FN1: variants seen among roughly 807,000 people sequenced by gnomAD.
The protein encoded by FN1 is fibronectin 1.
In FN1, 106 loss-of-function variants were observed where a neutral mutation model predicts 297.3. That is an observed-to-expected ratio of 0.36 (90% CI 0.30 to 0.42). FN1 has a LOEUF of 0.42. FN1 is among the 10% of genes least tolerant of loss of function. FN1 has a pLI of 1.00. For synonymous variants in FN1, 1,149 were observed against 1,152.6 expected, an observed-to-expected ratio of 1.00 and a Z score of 0.06; for missense variants, 2,690 against 3,124.9, an observed-to-expected ratio of 0.86 and a Z score of 3.32.
chr2:215,408,395 G>C lies in FN1; in HGVS notation c.2331C>G (p.Ile777Met). Residue 777 changes from isoleucine to methionine, a missense_variant, in exon 16 of 46, where the codon ATC (isoleucine) becomes ATG (methionine). By Grantham distance (10) the Ile-to-Met change is conservative (BLOSUM62 1). This residue lies in a region of FN1 where 876 missense variants were observed against 1,058.1 expected (regional missense o/e 0.83). Coordinates refer to ENST00000354785, the MANE Select transcript of FN1 (RefSeq NM_212482.4). ...ATTTTCGGCCAGGAAGCAGGTCAGGGATGTTCACAGAAGTGGCTGTGCTTG... is the reference window on the plus strand; with the variant it reads ...ATTTTCGGCCAGGAAGCAGGTCAGGCATGTTCACAGAAGTGGCTGTGCTTG... Reference protein sequence around the residue: ...DLPSTATSVNIPDLLPGRKYI... With the variant: ...DLPSTATSVNMPDLLPGRKYI... The C allele has an allele frequency of 6.2e-7, 1 of 1,614,106 alleles. No individual in the cohort carries two copies. The highest frequency in any genetic ancestry group is 8.5e-7 in the Non-Finnish European group (1 of 1,179,998).
rs1167297908 is a variant in FN1, at chr2:215,409,915, A to T, written c.2122+19T>A. 1 of 1,613,482 alleles carries T rather than the reference A, an allele frequency of 6.2e-7. No individual in the cohort carries two copies. The highest frequency in any genetic ancestry group is 1.7e-5 in the Admixed American group (1 of 60,004). ...AGGAACCTCGGGGGTAGGAGGCATG[A>T]GGGTGGTTGTGTACATACTGGTCAC... On this transcript the variant is annotated intron_variant, in intron 14 of 45. Transcript: ENST00000354785.
At chr2:215,363,841 T>C (rs2054004199) in intron 44 of FN1, among the ~76,000 whole-genome samples, 1 of 152,216 alleles carries the variant, frequency 6.6e-6, no homozygotes, top group Non-Finnish European at 1.5e-5. Context: ...ACTGGGCATA[T>C]TTTAGAAATG....
rs757437199 is a variant in FN1, at chr2:215,361,471, C to G, written c.*84G>C. On this transcript the variant is annotated 3_prime_UTR_variant, in exon 46 of 46. Transcript: ENST00000354785. ...AGGGCTTAAGAAAGAAAGAAGAACT[C>G]TAAGCTGGGTCTGCTAACATCACTC... The G allele has an allele frequency of 2.2e-4, 223 of 994,422 alleles. No individual in the cohort carries two copies. Among genetic ancestry groups the G allele is most frequent in the Non-Finnish European group, 3.5e-4 (213 of 614,196 alleles). 61.6% of individuals were successfully genotyped at this position (994,422 alleles called of 1,614,324 possible). A position where few individuals can be genotyped will look rare whatever the true frequency, so the allele number is the denominator to read the frequency against.
intron 5 of FN1, among the ~76,000 whole-genome samples, chr2:215,428,577 T>C (rs954292996): frequency 6.6e-6 from 1 of 152,234 alleles, no homozygotes; most frequent in African/African-American, 2.4e-5. Context: ...TTTTCATTTA[T>C]CTATTTATTT....
chr2:215,428,738 G>T (rs1288438856), intron 5 of FN1, among the ~76,000 whole-genome samples: 1 of 152,176 alleles, frequency 6.6e-6, no homozygotes, highest in Non-Finnish European at 1.5e-5. Flanking sequence ...CTAAAAACAG[G>T]CTAAGCGCGG....
At chr2:215,400,086 G>T (rs1041120358) in intron 20 of FN1, among the ~76,000 whole-genome samples, 4 of 151,930 alleles carry the variant, frequency 2.6e-5, no homozygotes, top group African/African-American at 9.7e-5. Flanking sequence ...TTCTTGGGAG[G>T]CTGAGACACA....
chr2:215,363,300 A>C (rs1431086560), intron 44 of FN1: 1 of 152,238 alleles, frequency 6.6e-6, no homozygotes, highest in Admixed American at 6.5e-5. Context: ...CAGCAAATTC[A>C]TTCTCCATCA....
Position 215,409,550 on chromosome 2 carries a change from A to C in FN1, c.2299+13T>G, listed in dbSNP as rs1353187514. On this transcript the variant is annotated intron_variant, in intron 15 of 45. Transcript: ENST00000354785. The stretch of plus-strand genomic sequence containing the variant: ...CTGCCCTGAACCTGTCTTGAGCGAC[A>C]TATTGAGCTTACCCAGGTACTGTGG... 6.2e-7 allele frequency: 1 copy of C among 1,612,332 alleles called. No homozygotes were observed. Among genetic ancestry groups the C allele is most frequent in the East Asian group, 2.2e-5 (1 of 44,870 alleles).
chr2:215,410,912 T>C (rs1225636540), intron 13 of FN1, among the ~76,000 whole-genome samples: 1 of 152,220 alleles, frequency 6.6e-6, no homozygotes. Flanking sequence ...CAAACAGATA[T>C]ATTCCTCTCT....
Position 215,435,652 on chromosome 2 carries a change from C to CA in FN1, c.148+2dup, listed in dbSNP as rs768441374. ...CCTGTTTCAGCCCGCGGTCAGTACT[C>CA]ACGCTTGCTTTGACTGACAGCCACC... On this transcript the variant is annotated splice_region_variant and intron_variant, in intron 1 of 45. Coordinates refer to ENST00000354785, the MANE Select transcript of FN1 (RefSeq NM_212482.4). 3 of 1,613,596 alleles carry CA rather than the reference C, an allele frequency of 1.9e-6. No homozygotes were observed. Among genetic ancestry groups the CA allele is most frequent in the Non-Finnish European group, 2.5e-6 (3 of 1,179,982 alleles).
intron 33 of FN1, 97 bp downstream of exon 33, chr2:215,380,714 T>G (rs1321966296): frequency 7.2e-7 from 1 of 1,381,578 alleles, no homozygotes; most frequent in Non-Finnish European, 1.0e-6. Context: ...TTTTTCACCC[T>G]TACACGGGAA....
Position 215,394,523 on chromosome 2 carries a change from A to G in FN1, c.3796+5T>C, listed in dbSNP as rs1268840136. Reference sequence around the variant, plus strand: ...TCTCAGGATAGCAGCTTATTTTTCTATTACCTGGGATGATGGTATCAGAGA... The same window carrying G: ...TCTCAGGATAGCAGCTTATTTTTCTGTTACCTGGGATGATGGTATCAGAGA... On this transcript the variant is annotated splice_donor_5th_base_variant and intron_variant, in intron 24 of 45. Coordinates refer to ENST00000354785, the MANE Select transcript of FN1 (RefSeq NM_212482.4). The G allele has an allele frequency of 7.5e-6, 12 of 1,609,390 alleles. No homozygotes were observed. The highest frequency in any genetic ancestry group is 5.4e-5 in the African/African-American group (4 of 74,760).
At chr2:215,414,683 T>C in intron 13 of FN1, 154 bp downstream of exon 13, 1 of 1,409,738 alleles carries the variant, frequency 7.1e-7, no homozygotes, top group Non-Finnish European at 9.3e-7. Context: ...TCAATTTAAT[T>C]GACCACATAT....
At chr2:215,402,751 C>G (rs2061312031) in intron 20 of FN1, among the ~76,000 whole-genome samples, 2 of 152,032 alleles carry the variant, frequency 1.3e-5, no homozygotes, top group Non-Finnish European at 2.9e-5. Context: ...CTATGTTAAC[C>G]TTTATCTAAT....
intron 23 of FN1, among the ~76,000 whole-genome samples, 188 bp downstream of exon 23, chr2:215,396,949 A>G (rs1215997133): frequency 6.6e-6 from 1 of 152,140 alleles, no homozygotes; most frequent in Non-Finnish European, 1.5e-5. Context: ...CCTGTGATTG[A>G]AGTCAACGTG....
rs1439721772 is a variant in FN1 at position 215,401,199 on chromosome 2, AAAG to A, written c.3254-1851_3254-1849del. Among the ~76,000 whole-genome samples the A allele has an allele frequency of 5.5e-3, 161 of 29,056 alleles. 2 individuals are homozygous for A. The highest frequency in any genetic ancestry group is 0.03 in the African/African-American group (150 of 4,992). The allele number at this position is 29,056 out of a possible 152,430, so 19.1% of individuals were successfully genotyped here. Reference sequence around the variant, plus strand: ...AGAGAGAGTGAGAGAGAAAGAAAGAAAAGAAAGAAAGAAAGAAAGAAAGAAAGA... The same window carrying A: ...AGAGAGAGTGAGAGAGAAAGAAAGAAAAAGAAAGAAAGAAAGAAAGAAAGA... On this transcript the variant is annotated intron_variant, in intron 20 of 45. Transcript: ENST00000354785.
intron 17 of FN1, among the ~76,000 whole-genome samples, chr2:215,407,563 C>A (rs2061928995): frequency 6.6e-6 from 1 of 152,170 alleles, no homozygotes; most frequent in Non-Finnish European, 1.5e-5. Flanking sequence ...GAAGACCTGA[C>A]ATCCTTAATA....
In FN1 at chr2:215,365,581, G is replaced by A; in HGVS notation, c.7068C>T (p.Asp2356=). The change falls in exon 43 of 46, where the codon GAC becomes GAT. Residue 2356 remains aspartate, a synonymous_variant. Transcript: ENST00000354785. The part of the protein sequence containing the change: ...GVNYKIGEKW[D]RQGENGQMMS... ...TCATCTGGCCATTTTCTCCCTGACG[G>A]TCCCACTTCTCTCCAATCTTGTAGT... 1 of 1,613,930 alleles carries A rather than the reference G, an allele frequency of 6.2e-7. No individual in the cohort carries two copies. The highest frequency in any genetic ancestry group is 8.5e-7 in the Non-Finnish European group (1 of 1,179,882).
At chr2:215,424,423 C>CTTTGAGGGCACAAG in intron 7 of FN1, 98 bp from the exon 8 acceptor site, 1 of 981,032 alleles carries the variant, frequency 1.0e-6, no homozygotes, top group Non-Finnish European at 1.6e-6. Context: ...GAGCTTGTGC[C>CTTTGAGGGCACAAG]CTCAAAGGAA....
Sources: allele counts gnomAD v4.1 joint callset (sites outside exome capture counted in the v4.1 genomes callset), GRCh38; gene constraint gnomAD v4.1.1; regional missense constraint gnomAD v4.1.1; transcripts MANE v1.5; gene names NCBI Gene and HGNC (gene_info 2026-07-23, HGNC 2026-07-21).